Variants in NUBPL observed in about 807,000 individuals in gnomAD.
NUBPL encodes the protein iron-sulfur cluster transfer protein NUBPL.
Under a neutral mutation model 45.7 loss-of-function variants are expected in NUBPL, and 31 were observed. The ratio of observed to expected loss-of-function variants is 0.68; its 90% CI spans 0.51 to 0.92. The LOEUF is 0.92. Ranked by LOEUF, NUBPL falls within the 40% of genes least tolerant of loss-of-function variation. The probability of loss-of-function intolerance (pLI) is 0.00; values close to 1 mark genes in which losing one functional copy is unlikely to be tolerated. For synonymous variants in NUBPL, 144 were observed against 140.9 expected (o/e 1.02, Z -0.15); for missense variants, 401 against 398.7 (o/e 1.01, Z -0.05).
chr14:31,637,558 A>G (rs1017190123), intron 4 of NUBPL, among the ~76,000 whole-genome samples: 22 of 152,136 alleles, frequency 1.4e-4, no homozygotes, highest in African/African-American at 4.8e-4. Flanking sequence ...AAAAAAATGT[A>G]TATTCTGTTG....
chr14:31,802,555 C>T (rs977948784), intron 7 of NUBPL, among the ~76,000 whole-genome samples: 4 of 152,124 alleles, frequency 2.6e-5, no homozygotes, highest in African/African-American at 7.2e-5. Context: ...GGATTACAGG[C>T]GTGAGCCACC....
intron 4 of NUBPL, among the ~76,000 whole-genome samples, chr14:31,642,507 T>G (rs1391018813): frequency 6.6e-6 from 1 of 151,978 alleles, no homozygotes; most frequent in African/African-American, 2.4e-5. Flanking sequence ...TGAGTGTGGA[T>G]TTATTTATGT....
intron 6 of NUBPL, among the ~76,000 whole-genome samples, chr14:31,740,046 T>A (rs1285941977): frequency 1.3e-5 from 2 of 152,202 alleles, no homozygotes; most frequent in East Asian, 3.8e-4. Context: ...ACAGTTTATC[T>A]AGCCACCCAC....
intron 8 of NUBPL, among the ~76,000 whole-genome samples, chr14:31,835,970 C>T (rs1216524165): frequency 6.6e-6 from 1 of 152,156 alleles, no homozygotes; most frequent in Admixed American, 6.6e-5. Context: ...AAGCATTTAA[C>T]CTGATTGTAA....
intron 4 of NUBPL, among the ~76,000 whole-genome samples, chr14:31,640,632 A>G (rs1309946921): frequency 1.4e-5 from 2 of 145,198 alleles, no homozygotes; most frequent in African/African-American, 5.2e-5. Flanking sequence ...AAAAAAAAAA[A>G]GAAACACTAA....
intron 6 of NUBPL, among the ~76,000 whole-genome samples, chr14:31,751,717 TCTC>T (rs1389642199): frequency 1.3e-5 from 2 of 152,186 alleles, no homozygotes; most frequent in Non-Finnish European, 2.9e-5. Flanking sequence ...GTGGCCCTCT[TCTC>T]CCAGCTCCAC....
At chr14:31,776,794 A>G (rs17098171) in intron 6 of NUBPL, among the ~76,000 whole-genome samples, 22,583 of 152,176 alleles carry the variant, frequency 0.15, 4,853 homozygotes, top group African/African-American at 0.48. Flanking sequence ...AGGGGTGACA[A>G]CCACTCTAGC....
intron 6 of NUBPL, among the ~76,000 whole-genome samples, chr14:31,697,660 C>T (rs2037242983): frequency 6.6e-6 from 1 of 152,172 alleles, no homozygotes; most frequent in Non-Finnish European, 1.5e-5. Flanking sequence ...TCATCTCTGA[C>T]CAGCAGAGTT....
chr14:31,761,509 A>G (rs2038808676), intron 6 of NUBPL, among the ~76,000 whole-genome samples: 1 of 152,206 alleles, frequency 6.6e-6, no homozygotes, highest in Non-Finnish European at 1.5e-5. Flanking sequence ...TTGGAGTAAT[A>G]ACTCATAATT....
intron 4 of NUBPL, 40 bp downstream of exon 4, chr14:31,599,419 C>G (rs944436446): frequency 3.6e-6 from 5 of 1,377,656 alleles, no homozygotes; most frequent in African/African-American, 2.9e-5. Flanking sequence ...AATAGTTGCA[C>G]TTTTATTAAT....
intron 4 of NUBPL, among the ~76,000 whole-genome samples, chr14:31,621,091 A>T (rs1292452976): frequency 1.3e-5 from 2 of 152,140 alleles, no homozygotes; most frequent in Non-Finnish European, 2.9e-5. Flanking sequence ...GTGAGGGTAA[A>T]ACCGCCTACT....
At chr14:31,815,763 C>T (rs527775368) in intron 7 of NUBPL, among the ~76,000 whole-genome samples, 6 of 151,218 alleles carry the variant, frequency 4.0e-5, no homozygotes, top group East Asian at 1.9e-4. Flanking sequence ...TGAATTTTAT[C>T]GAAGGCCTTT....
chr14:31,641,993 T>G lies in NUBPL; in HGVS notation c.383-31362T>G, dbSNP rs565363817. Among the ~76,000 whole-genome samples the G allele has an allele frequency of 2.6e-5, 4 of 152,368 alleles. 1 individual carries two copies. In the East Asian group the frequency reaches 7.7e-4, roughly 29 times the overall value. ...TTTGTATGTCTTCTTTTGAGAAACA[T>G]CTATTCAAATCTTTTGCCTATTTAA... On this transcript the variant is annotated intron_variant, in intron 4 of 10. Coordinates refer to ENST00000281081, the MANE Select transcript of NUBPL (RefSeq NM_025152.3).
chr14:31,820,824 C>CAAA (rs1313607475), intron 7 of NUBPL, among the ~76,000 whole-genome samples: 1 of 89,682 alleles, frequency 1.1e-5, no homozygotes, highest in Admixed American at 1.3e-4. Context: ...GACTCCGTCT[C>CAAA]AAAAAAAAAA....
intron 6 of NUBPL, among the ~76,000 whole-genome samples, chr14:31,751,524 T>G (rs1443606733): frequency 6.6e-6 from 1 of 152,244 alleles, no homozygotes; most frequent in African/African-American, 2.4e-5. Flanking sequence ...TGACTCCATG[T>G]CTCACATTTA....
At chr14:31,763,280 G>A (rs553633598) in intron 6 of NUBPL, among the ~76,000 whole-genome samples, 4 of 152,256 alleles carry the variant, frequency 2.6e-5, no homozygotes, top group African/African-American at 9.6e-5. Flanking sequence ...TTGCATCCAT[G>A]TATGCCTGGC....
chr14:31,848,576 G>A (rs1464084806), intron 9 of NUBPL, among the ~76,000 whole-genome samples: 2 of 152,202 alleles, frequency 1.3e-5, no homozygotes, highest in Non-Finnish European at 2.9e-5. Context: ...CCTATTATAT[G>A]TCTGAAATGT....
Position 31,673,350 on chromosome 14 carries a change from TCCAGGC to T in NUBPL, c.383-4_384del. On this transcript the variant is annotated splice_acceptor_variant and splice_polypyrimidine_tract_variant and coding_sequence_variant and intron_variant, in exon 5 of 11. Transcript: ENST00000281081. LOFTEE classifies it high-confidence loss of function. ...TCTAAAAGAGAGGATTTTTTTTTTT[TCCAGGC>T]AACCTAATGAGGCCTCTCTTGAATT... The T allele has an allele frequency of 6.3e-7, 1 of 1,599,938 alleles. No homozygotes were observed. The highest frequency in any genetic ancestry group is 8.5e-7 in the Non-Finnish European group (1 of 1,172,724).
At chr14:31,686,638 T>C (rs757847361) in intron 6 of NUBPL, 1 of 152,192 alleles carries the variant, frequency 6.6e-6, no homozygotes, top group Non-Finnish European at 1.5e-5. Flanking sequence ...CAATGAATAA[T>C]TTGGGATCTG....
Sources: allele counts gnomAD v4.1 joint callset (sites outside exome capture counted in the v4.1 genomes callset), GRCh38; gene constraint gnomAD v4.1.1; transcripts MANE v1.5; gene names NCBI Gene and HGNC (gene_info 2026-07-23, HGNC 2026-07-21).